The following LRRC1 variants were observed in gnomAD, a reference collection of about 807,000 sequenced individuals.
The protein encoded by LRRC1 is leucine rich repeat containing 1, also known as leucine-rich repeat-containing protein 1.
A neutral mutation model predicts 69.9 loss-of-function variants in LRRC1; 28 were observed. That is an observed-to-expected ratio of 0.40 (90% CI 0.30 to 0.55). The LOEUF (loss-of-function observed/expected upper bound fraction) is 0.55, where lower values mean the gene tolerates loss of function less well. Among genes scored for constraint, LRRC1 ranks in the 20% least tolerant of loss-of-function variants. LRRC1 has a pLI of 0.47. For missense variants in LRRC1, 498 were observed against 609.0 expected, an observed-to-expected ratio of 0.82 and a Z score of 1.92; for synonymous variants, 236 against 240.2, an observed-to-expected ratio of 0.98 and a Z score of 0.16.
intron 12 of LRRC1, 50 bp from the exon 13 acceptor site, chr6:53,920,575 C>A (rs896499893): frequency 1.2e-6 from 2 of 1,611,182 alleles, no homozygotes; most frequent in South Asian, 2.2e-5. Context: ...ATAGCATTTA[C>A]TGATCACATG....
At chr6:53,827,736 A>G (rs558175384) in intron 1 of LRRC1, among the ~76,000 whole-genome samples, 1 of 152,296 alleles carries the variant, frequency 6.6e-6, no homozygotes, top group South Asian at 2.1e-4. Flanking sequence ...TGGAAGCCAG[A>G]GAGGTTTGTT....
chr6:53,859,477 G>A (rs540241455), intron 2 of LRRC1, among the ~76,000 whole-genome samples: 3 of 152,266 alleles, frequency 2.0e-5, no homozygotes, highest in East Asian at 3.9e-4. Flanking sequence ...AAAATAGCAT[G>A]ACAGAACCTG....
chr6:53,867,971 A>ATTTT, intron 2 of LRRC1, among the ~76,000 whole-genome samples: 1 of 150,554 alleles, frequency 6.6e-6, no homozygotes, highest in South Asian at 2.1e-4. Context: ...AAAAAAAAAA[A>ATTTT]TTTTTTTGTT....
At chr6:53,831,002 G>A (rs1423846355) in intron 1 of LRRC1, among the ~76,000 whole-genome samples, 1 of 146,032 alleles carries the variant, frequency 6.8e-6, no homozygotes, top group Non-Finnish European at 1.5e-5. Context: ...GAAGATAGTG[G>A]CAAAAACTGT....
chr6:53,855,260 A>G (rs1766273134), intron 2 of LRRC1, among the ~76,000 whole-genome samples: 1 of 152,256 alleles, frequency 6.6e-6, no homozygotes, highest in African/African-American at 2.4e-5. Context: ...CATACCATGA[A>G]CATTAACAGT....
At chr6:53,878,523 G>A (rs868511018) in intron 2 of LRRC1, among the ~76,000 whole-genome samples, 25 of 152,318 alleles carry the variant, frequency 1.6e-4, no homozygotes, top group Middle Eastern at 6.8e-3. Context: ...CGCATGGGCA[G>A]TTGACAATAG....
chr6:53,797,410 A>C (rs1451701956), intron 1 of LRRC1, among the ~76,000 whole-genome samples: 3 of 152,152 alleles, frequency 2.0e-5, no homozygotes, highest in African/African-American at 7.2e-5. Flanking sequence ...GGGTGTGTAC[A>C]TGCCAGACAT....
chr6:53,852,021 C>T (rs1344484082), intron 2 of LRRC1, among the ~76,000 whole-genome samples: 1 of 152,194 alleles, frequency 6.6e-6, no homozygotes, highest in African/African-American at 2.4e-5. Flanking sequence ...CCTTGAAGTA[C>T]TTCACTTTAG....
chr6:53,813,263 G>A (rs1764848956), intron 1 of LRRC1, among the ~76,000 whole-genome samples: 1 of 152,188 alleles, frequency 6.6e-6, no homozygotes, highest in African/African-American at 2.4e-5. Flanking sequence ...TGACTCAGGA[G>A]TGGACTGTGT....
At chr6:53,844,433 G>A (rs1765877786) in intron 2 of LRRC1, among the ~76,000 whole-genome samples, 1 of 152,190 alleles carries the variant, frequency 6.6e-6, no homozygotes. Flanking sequence ...ACTCTAATGG[G>A]ATGCTCCGTG....
chr6:53,837,524 GTTA>G (rs1386278026), intron 1 of LRRC1, among the ~76,000 whole-genome samples: 1 of 152,160 alleles, frequency 6.6e-6, no homozygotes, highest in East Asian at 1.9e-4. Context: ...TAAATTTGGT[GTTA>G]TTATAGTTAG....
intron 1 of LRRC1, among the ~76,000 whole-genome samples, chr6:53,806,666 G>T (rs1764642891): frequency 1.3e-5 from 2 of 152,096 alleles, no homozygotes; most frequent in Admixed American, 1.3e-4. Context: ...GCTACAGTTG[G>T]GCACATACTC....
chr6:53,848,777 G>C (rs1766029778), intron 2 of LRRC1, among the ~76,000 whole-genome samples: 1 of 149,226 alleles, frequency 6.7e-6, no homozygotes, highest in Non-Finnish European at 1.5e-5. Context: ...TTTTTTCCAA[G>C]ACAGAGTTTT....
intron 1 of LRRC1, among the ~76,000 whole-genome samples, chr6:53,841,132 C>A (rs557844701): frequency 5.3e-5 from 8 of 152,270 alleles, no homozygotes; most frequent in African/African-American, 1.9e-4. Flanking sequence ...TTGTCTCAGT[C>A]CCCTGTTTTT....
In LRRC1 at chr6:53,795,376, G is replaced by T; in HGVS notation, c.120G>T (p.Glu40Asp). The T allele has an allele frequency of 6.2e-7, 1 of 1,613,578 alleles. No individual in the cohort carries two copies. The change falls in exon 1 of 14, where the codon GAG (glutamate) becomes GAT (aspartate). Residue 40 changes from glutamate to aspartate, a missense_variant. By Grantham distance (45) the Glu-to-Asp change is conservative (BLOSUM62 2). Around this residue, in one of 3 missense-constraint regions of LRRC1, gnomAD observed 70 missense variants for 62.1 expected, o/e 1.13. Transcript: ENST00000370888. Reference protein sequence around the residue: ...EIYRYARSLEELLLDANQLRE... With the variant: ...EIYRYARSLEDLLLDANQLRE... ...ACCGCTATGCCCGGAGCCTGGAGGA[G>T]CTGCTGCTGGACGCCAACCAGCTCC...
intron 2 of LRRC1, among the ~76,000 whole-genome samples, chr6:53,849,494 C>T (rs1461528165): frequency 6.6e-6 from 1 of 152,132 alleles, no homozygotes; most frequent in Admixed American, 6.6e-5. Flanking sequence ...CCCATTTTGC[C>T]GTGTGAATCT....
intron 2 of LRRC1, among the ~76,000 whole-genome samples, chr6:53,849,826 G>A (rs1766069459): frequency 6.6e-6 from 1 of 152,162 alleles, no homozygotes; most frequent in Non-Finnish European, 1.5e-5. Flanking sequence ...ACATAGTGGT[G>A]TGTGACTGTT....
chr6:53,876,301 T>A (rs1767067002), intron 2 of LRRC1, among the ~76,000 whole-genome samples: 2 of 151,626 alleles, frequency 1.3e-5, no homozygotes, highest in African/African-American at 2.4e-5. Flanking sequence ...TTCAGTTACC[T>A]CCTACCGGGT....
chr6:53,852,863 T>C (rs1163553296), intron 2 of LRRC1, among the ~76,000 whole-genome samples: 2 of 152,212 alleles, frequency 1.3e-5, no homozygotes, highest in Admixed American at 6.5e-5. Flanking sequence ...AGGTGGTATC[T>C]TTGTCTGTTT....
Sources: gnomAD v4.1 joint callset for allele counts (sites outside exome capture counted in the v4.1 genomes callset) on GRCh38, gnomAD v4.1.1 for gene constraint, gnomAD v4.1.1 regional missense constraint, MANE v1.5 for transcripts, NCBI Gene and HGNC (gene_info 2026-07-23, HGNC 2026-07-21) for gene names.